The following INPP5A variants were observed in gnomAD, a reference collection of about 807,000 sequenced individuals.
INPP5A encodes 43 kDa inositol polyphosphate 5-phophatase.
Under a neutral mutation model 65.2 loss-of-function variants are expected in INPP5A, and 14 were observed. The observed-to-expected ratio is 0.21, with a 90% confidence interval of 0.14 to 0.34. The LOEUF is 0.34. Ranked by LOEUF, INPP5A falls within the 10% of genes least tolerant of loss-of-function variation. INPP5A has a pLI of 1.00. For synonymous variants in INPP5A, 207 were observed against 208.3 expected (o/e 0.99, Z 0.05); for missense variants, 431 against 545.6 (o/e 0.79, Z 2.09).
chr10:132,743,930 C>T (rs901975030), intron 9 of INPP5A, among the ~76,000 whole-genome samples: 2 of 152,210 alleles, frequency 1.3e-5, no homozygotes, highest in African/African-American at 4.8e-5. Flanking sequence ...CATGGCTGAG[C>T]GTGTGGTCCC....
chr10:132,700,642 C>T (rs1204518744), intron 6 of INPP5A, among the ~76,000 whole-genome samples: 1 of 151,394 alleles, frequency 6.6e-6, no homozygotes, highest in African/African-American at 2.4e-5. Context: ...GCAGCCTGGC[C>T]GGGCCCGCCC....
chr10:132,596,950 T>TGC lies in INPP5A; in HGVS notation c.76-10964_76-10963dup, dbSNP rs1564929077. On this transcript the variant is annotated intron_variant, in intron 1 of 15. Coordinates refer to ENST00000368594, the MANE Select transcript of INPP5A (RefSeq NM_005539.5). ...GCATGTGCACGCATGTGTGCGTGTGTGCACACATGTGTGCGTGTGTGCATG... is the reference window on the plus strand; with the variant it reads ...GCATGTGCACGCATGTGTGCGTGTGTGCGCACACATGTGTGCGTGTGTGCATG... Among the ~76,000 whole-genome samples, 1,154 of 143,482 alleles carry TGC rather than the reference T, an allele frequency of 8.0e-3. 1 individual carries two copies. The highest frequency in any genetic ancestry group is 0.012 in the South Asian group (53 of 4,354). The allele number at this position is 143,482 out of a possible 152,430, so 94.1% of individuals were successfully genotyped here. A position where few individuals can be genotyped will look rare whatever the true frequency, so the allele number is the denominator to read the frequency against.
rs918682552 is a variant in INPP5A, at chr10:132,628,916, A to T, written c.118-16952A>T. On this transcript the variant is annotated intron_variant, in intron 2 of 15. Coordinates refer to ENST00000368594, the MANE Select transcript of INPP5A (RefSeq NM_005539.5). ...TAATATATTTTATTTCACCCAGTGTATCTAGAATGTTATCATTTCAACATA... is the reference window on the plus strand; with the variant it reads ...TAATATATTTTATTTCACCCAGTGTTTCTAGAATGTTATCATTTCAACATA... Among the ~76,000 whole-genome samples the T allele has an allele frequency of 3.3e-5, 5 of 152,350 alleles. 1 individual carries two copies. In the South Asian group the frequency reaches 1.0e-3, roughly 32 times the overall value.
intron 8 of INPP5A, among the ~76,000 whole-genome samples, chr10:132,716,225 C>T (rs1316775237): frequency 6.6e-6 from 1 of 152,226 alleles, no homozygotes; most frequent in Non-Finnish European, 1.5e-5. Flanking sequence ...GGTGCCCCGT[C>T]CTCCATCCTG....
At chr10:132,673,650 A>G (rs2072923868) in intron 4 of INPP5A, among the ~76,000 whole-genome samples, 1 of 152,224 alleles carries the variant, frequency 6.6e-6, no homozygotes, top group Non-Finnish European at 1.5e-5. Flanking sequence ...GTCAGAGGCA[A>G]TGCTGTGTGG....
chr10:132,712,735 GGT>G (rs374941848), intron 8 of INPP5A, among the ~76,000 whole-genome samples: 102 of 150,488 alleles, frequency 6.8e-4, no homozygotes, highest in African/African-American at 2.1e-3. Flanking sequence ...TGCATGTGTA[GGT>G]GTGTGTGTAG....
intron 9 of INPP5A, among the ~76,000 whole-genome samples, chr10:132,729,403 C>T (rs1210025361): frequency 6.6e-6 from 1 of 152,196 alleles, no homozygotes; most frequent in East Asian, 1.9e-4. Context: ...TTAAAGAGTT[C>T]CTCTCACACA....
At chr10:132,611,816 G>A (rs1380834339) in intron 2 of INPP5A, among the ~76,000 whole-genome samples, 6 of 147,594 alleles carry the variant, frequency 4.1e-5, no homozygotes, top group Non-Finnish European at 9.0e-5. Context: ...TCAGAGGAGG[G>A]TGCGGGAGGT....
intron 11 of INPP5A, among the ~76,000 whole-genome samples, chr10:132,755,617 T>G (rs560685356): frequency 3.1e-4 from 42 of 136,584 alleles, no homozygotes; most frequent in Admixed American, 5.0e-4. Flanking sequence ...AGTGAGTGGG[T>G]GTGTGTGTGT....
rs548894919 is a variant in INPP5A, at chr10:132,783,230, A to G, written c.*1201A>G. 1 of 152,508 alleles carries G rather than the reference A, an allele frequency of 6.6e-6. No individual in the cohort carries two copies. The highest frequency in any genetic ancestry group is 2.4e-5 in the African/African-American group (1 of 41,552). The allele number at this position is 152,508 out of a possible 1,614,324, so 9.4% of individuals were successfully genotyped here. On this transcript the variant is annotated 3_prime_UTR_variant, in exon 16 of 16. Coordinates refer to ENST00000368594, the MANE Select transcript of INPP5A (RefSeq NM_005539.5). ...TATTGATTTTACTTTAGAACACTAC[A>G]GAGTTCCTGGACCGGGTGAAGGCAT...
chr10:132,556,167 C>A (rs555724341), intron 1 of INPP5A, among the ~76,000 whole-genome samples: 3 of 152,296 alleles, frequency 2.0e-5, no homozygotes, highest in Non-Finnish European at 2.9e-5. Context: ...TCCTTGATGG[C>A]ACGCTCCGGG....
At position 132,627,549 on chromosome 10, in the gene INPP5A, CCTCT is replaced by C. The variant is rs1243253653; in HGVS notation, c.118-18318_118-18315del. On this transcript the variant is annotated intron_variant, in intron 2 of 15. Coordinates refer to ENST00000368594, the MANE Select transcript of INPP5A (RefSeq NM_005539.5). This position sits in a 1 kb window ranked among gnomAD's most constrained non-coding sequence, Gnocchi z 6.6. Reference sequence around the variant, plus strand: ...GCCAGTGCCTGGTCTGTCCCGACTCCCTCTGTGTCCCCAGCTGCCAGCAACGTGC... The same window carrying C: ...GCCAGTGCCTGGTCTGTCCCGACTCCGTGTCCCCAGCTGCCAGCAACGTGC... Among the ~76,000 whole-genome samples, 2 of 152,192 alleles carry C rather than the reference CCTCT, an allele frequency of 1.3e-5. No individual in the cohort carries two copies. Among genetic ancestry groups the C allele is most frequent in the African/African-American group, 4.8e-5 (2 of 41,450 alleles).
intron 4 of INPP5A, among the ~76,000 whole-genome samples, chr10:132,658,904 G>A (rs1181753655): frequency 1.3e-5 from 2 of 152,094 alleles, no homozygotes; most frequent in East Asian, 1.9e-4. Context: ...GGAAGGCGTC[G>A]GGCCTGGGGC....
rs1027274020 is a variant in INPP5A, at chr10:132,550,344, C to T, written c.75+12173C>T. Among the ~76,000 whole-genome samples, 9 of 152,310 alleles carry T rather than the reference C, an allele frequency of 5.9e-5. No homozygotes were observed. The highest frequency in any genetic ancestry group is 9.6e-5 in the African/African-American group (4 of 41,556). On this transcript the variant is annotated intron_variant, in intron 1 of 15. Transcript: ENST00000368594. The surrounding 1 kb of genome is among the most constrained non-coding windows in gnomAD (Gnocchi z 4.2). ...GGCCAGTAGTCCCTGTCCTCTCCAG[C>T]GACCGCTCTCTCCTGGGTGTCAGTG...
chr10:132,571,482 C>T (rs1349516263), intron 1 of INPP5A, among the ~76,000 whole-genome samples: 1 of 152,236 alleles, frequency 6.6e-6, no homozygotes, highest in Non-Finnish European at 1.5e-5. Context: ...GGTTCTGGGT[C>T]ACTCAGGACC....
chr10:132,613,071 A>G (rs2071981306), intron 2 of INPP5A, among the ~76,000 whole-genome samples: 1 of 152,338 alleles, frequency 6.6e-6, no homozygotes, highest in East Asian at 1.9e-4. Context: ...CAGGCCGCCC[A>G]GAATCCCCAC....
At chr10:132,703,505 C>CCACA (rs111386654) in intron 6 of INPP5A, among the ~76,000 whole-genome samples, 19 of 139,678 alleles carry the variant, frequency 1.4e-4, no homozygotes, top group African/African-American at 3.5e-4. Flanking sequence ...GTGTCTTCAC[C>CCACA]CACACACACA....
chr10:132,557,934 C>T (rs1005840511), intron 1 of INPP5A, among the ~76,000 whole-genome samples: 2 of 152,212 alleles, frequency 1.3e-5, no homozygotes, highest in Non-Finnish European at 2.9e-5. Context: ...GTCTGTCCCG[C>T]GTGCCCGCCT....
At chr10:132,583,901 G>A (rs927337373) in intron 1 of INPP5A, among the ~76,000 whole-genome samples, 8 of 152,118 alleles carry the variant, frequency 5.3e-5, no homozygotes, top group Admixed American at 3.9e-4. Flanking sequence ...GGGCAACGTG[G>A]TAAAACCCCA....
Sources: gnomAD v4.1 joint callset for allele counts (sites outside exome capture counted in the v4.1 genomes callset) on GRCh38, gnomAD v4.1.1 for gene constraint, Gnocchi (gnomAD v3.1) non-coding constraint, MANE v1.5 for transcripts, NCBI Gene and HGNC (gene_info 2026-07-23, HGNC 2026-07-21) for gene names.